The following GRIN2A variants were observed in gnomAD, a reference collection of about 807,000 sequenced individuals.
The protein encoded by GRIN2A is glutamate receptor ionotropic, NMDA 2A.
Under a neutral mutation model 113.4 loss-of-function variants are expected in GRIN2A, and 22 were observed. The ratio of observed to expected loss-of-function variants is 0.19; its 90% CI spans 0.14 to 0.28. The LOEUF (loss-of-function observed/expected upper bound fraction) is 0.28, where lower values mean the gene tolerates loss of function less well. Among genes scored for constraint, GRIN2A ranks in the 10% least tolerant of loss-of-function variants. GRIN2A has a pLI of 1.00. For missense variants in GRIN2A, 1,502 were observed against 1,887.0 expected (o/e 0.80, Z 3.78); for synonymous variants, 827 against 738.4 (o/e 1.12, Z -1.94).
At chr16:10,085,429 G>A (rs527429497) in intron 2 of GRIN2A, among the ~76,000 whole-genome samples, 1 of 152,314 alleles carries the variant, frequency 6.6e-6, no homozygotes, top group Non-Finnish European at 1.5e-5. Flanking sequence ...TCATTTTGGG[G>A]TGAAAACATA....
chr16:10,079,991 C>G (rs887342847), intron 2 of GRIN2A, among the ~76,000 whole-genome samples: 3 of 152,124 alleles, frequency 2.0e-5, no homozygotes, highest in African/African-American at 7.2e-5. Context: ...CTGCTCTCAG[C>G]GAGCAAATAA....
At chr16:10,091,007 A>G (rs2048174388) in intron 2 of GRIN2A, among the ~76,000 whole-genome samples, 1 of 152,234 alleles carries the variant, frequency 6.6e-6, no homozygotes, top group Non-Finnish European at 1.5e-5. Context: ...TTCCATATAC[A>G]CACTAGAATG....
At chr16:9,912,404 C>A (rs2044160917) in intron 3 of GRIN2A, among the ~76,000 whole-genome samples, 1 of 150,872 alleles carries the variant, frequency 6.6e-6, no homozygotes, top group South Asian at 2.1e-4. Flanking sequence ...CCAGAAACAC[C>A]ATTTTCAGAA....
At chr16:10,112,872 CA>C in intron 2 of GRIN2A, 1 of 521,944 alleles carries the variant, frequency 1.9e-6, no homozygotes, top group Non-Finnish European at 3.7e-6. Flanking sequence ...TTACCAGAAG[CA>C]GCTGTACTGA....
At chr16:10,036,449 CTTTTTTTTTTTTTT>C (rs369821921) in intron 2 of GRIN2A, among the ~76,000 whole-genome samples, 1 of 45,982 alleles carries the variant, frequency 2.2e-5, no homozygotes, top group Non-Finnish European at 3.7e-5. Flanking sequence ...TTTTTTTTTT[CTTTTTTTTTTTTTT>C]TTTTTTTTTT....
intron 5 of GRIN2A, among the ~76,000 whole-genome samples, chr16:9,841,848 T>C (rs771302578): frequency 2.6e-5 from 4 of 152,226 alleles, no homozygotes; most frequent in Non-Finnish European, 4.4e-5. Context: ...TTAAAGGCTA[T>C]TGTATACTCT....
rs1035800187 is a variant in GRIN2A, at chr16:9,773,718, C to T, written c.2357-4629G>A. On this transcript the variant is annotated intron_variant, in intron 11 of 12. Transcript: ENST00000330684. ...CATGCACATTTGCAGAACTTCTTTG[C>T]GCCCATGGGAACTTGCACCTGTTCT... Among the ~76,000 whole-genome samples the T allele has an allele frequency of 2.6e-5, 4 of 152,266 alleles. No individual in the cohort carries two copies. The South Asian group carries it at 8.3e-4, about 32-fold the overall frequency.
At chr16:9,957,474 C>A (rs954124835) in intron 2 of GRIN2A, among the ~76,000 whole-genome samples, 1 of 152,146 alleles carries the variant, frequency 6.6e-6, no homozygotes, top group Admixed American at 6.6e-5. Context: ...TTTTTTCATG[C>A]CTTCCCATGT....
At chr16:9,803,797 T>C (rs1467069247) in intron 10 of GRIN2A, among the ~76,000 whole-genome samples, 1 of 152,198 alleles carries the variant, frequency 6.6e-6, no homozygotes, top group East Asian at 1.9e-4. Context: ...CTATGCAGTC[T>C]GACACCAAAG....
At chr16:9,972,163 A>T (rs1190896842) in intron 2 of GRIN2A, among the ~76,000 whole-genome samples, 1 of 152,210 alleles carries the variant, frequency 6.6e-6, no homozygotes, top group Non-Finnish European at 1.5e-5. Context: ...GACAAGGCTC[A>T]AAGTAGTTTG....
chr16:9,883,916 T>C (rs1171674065), intron 4 of GRIN2A, among the ~76,000 whole-genome samples: 1 of 152,214 alleles, frequency 6.6e-6, no homozygotes, highest in Non-Finnish European at 1.5e-5. Flanking sequence ...CTCCCTAATG[T>C]CTTCTGGAAC....
At chr16:10,146,279 G>A (rs988089959) in intron 2 of GRIN2A, among the ~76,000 whole-genome samples, 12 of 152,032 alleles carry the variant, frequency 7.9e-5, no homozygotes, top group African/African-American at 2.9e-4. Flanking sequence ...TACCACGCCC[G>A]ACTAATTTTT....
intron 2 of GRIN2A, among the ~76,000 whole-genome samples, chr16:10,110,207 C>T (rs758039425): frequency 2.9e-4 from 44 of 152,152 alleles, no homozygotes; most frequent in African/African-American, 4.6e-4. Flanking sequence ...GAGTGGCACA[C>T]GCAGAGGCTA....
At chr16:10,172,170 G>C (rs771364621) in intron 2 of GRIN2A, among the ~76,000 whole-genome samples, 3 of 152,160 alleles carry the variant, frequency 2.0e-5, no homozygotes, top group Non-Finnish European at 2.9e-5. Flanking sequence ...GAGAACCAGA[G>C]GTTCAGACAG....
intron 3 of GRIN2A, among the ~76,000 whole-genome samples, chr16:9,912,425 G>T (rs1460867972): frequency 6.8e-6 from 1 of 146,888 alleles, no homozygotes; most frequent in Non-Finnish European, 1.5e-5. Flanking sequence ...CGTAGCCCCT[G>T]ATGAAATGCA....
intron 2 of GRIN2A, among the ~76,000 whole-genome samples, chr16:10,172,636 G>C (rs926955848): frequency 6.6e-6 from 1 of 152,238 alleles, no homozygotes; most frequent in East Asian, 1.9e-4. Context: ...TGGGGGATGA[G>C]ATTCATCTCC....
chr16:10,088,139 G>C (rs538635165), intron 2 of GRIN2A, among the ~76,000 whole-genome samples: 1 of 152,206 alleles, frequency 6.6e-6, no homozygotes, highest in South Asian at 2.1e-4. Context: ...CCTCTCCCTT[G>C]AGAAACGCAC....
chr16:9,869,935 A>G (rs1446452588), intron 4 of GRIN2A, among the ~76,000 whole-genome samples: 2 of 152,132 alleles, frequency 1.3e-5, no homozygotes, highest in African/African-American at 4.8e-5. Context: ...CACTGGCACA[A>G]CTCCAGAACA....
At chr16:9,872,896 C>T (rs1471921124) in intron 4 of GRIN2A, among the ~76,000 whole-genome samples, 1 of 151,832 alleles carries the variant, frequency 6.6e-6, no homozygotes, top group Non-Finnish European at 1.5e-5. Context: ...AACAAAAAAA[C>T]TAGCCAGGCA....
Sources: gnomAD v4.1 joint callset for allele counts (sites outside exome capture counted in the v4.1 genomes callset) on GRCh38, gnomAD v4.1.1 for gene constraint, MANE v1.5 for transcripts, NCBI Gene and HGNC (gene_info 2026-07-23, HGNC 2026-07-21) for gene names.